CCDC116: variants seen among roughly 807,000 people sequenced by gnomAD.
CCDC116 encodes the protein coiled-coil domain containing 116.
CCDC116 carries 24 observed loss-of-function variants against 29.4 expected under a neutral mutation model. That is an observed-to-expected ratio of 0.82 (90% confidence interval 0.59 to 1.15). The LOEUF is 1.15. CCDC116 is among the 50% of genes most tolerant of loss of function. The pLI is 0.00. For missense variants in CCDC116, 791 were observed against 804.0 expected (o/e 0.98, Z 0.20); for synonymous variants, 298 against 331.4 (o/e 0.90, Z 1.10).
Position 21,635,082 on chromosome 22 carries a change from T to C in CCDC116, c.1019T>C (p.Leu340Ser). Residue 340 changes from leucine to serine, a missense_variant, in exon 4 of 5, where the codon TTG becomes TCG. By Grantham distance (145) the Leu-to-Ser change is moderately radical. Coordinates refer to ENST00000292779, the MANE Select transcript of CCDC116 (RefSeq NM_152612.3). ...RDGRPLFPTS[L>S]EPTSDLPPLG... Reference sequence around the variant, plus strand: ...GGCCGTCCTCTGTTCCCCACCAGCTTGGAGCCCACCTCAGATCTGCCGCCT... The same window carrying C: ...GGCCGTCCTCTGTTCCCCACCAGCTCGGAGCCCACCTCAGATCTGCCGCCT... 1 of 1,608,794 alleles carries C rather than the reference T, an allele frequency of 6.2e-7. No individual in the cohort carries two copies. The highest frequency in any genetic ancestry group is 8.5e-7 in the Non-Finnish European group (1 of 1,179,994).
At chr22:21,632,982 G>C (rs991499794) in intron 1 of CCDC116, 138 bp from the exon 2 acceptor site, 1 of 705,940 alleles carries the variant, frequency 1.4e-6, no homozygotes, top group Admixed American at 2.0e-5. Flanking sequence ...GCCTGCAGAC[G>C]CATGGGGGCC....
At chr22:21,633,608 TTGTTTGCAGCCCTGCCA>T (rs1930642590) in intron 2 of CCDC116, among the ~76,000 whole-genome samples, 1 of 152,044 alleles carries the variant, frequency 6.6e-6, no homozygotes, top group South Asian at 2.1e-4. Flanking sequence ...ACCTCAGATG[TTGTTTGCAGCCCTGCCA>T]TGGATACAGG....
In CCDC116 at chr22:21,634,978, T is replaced by C; in HGVS notation, c.915T>C (p.Ala305=). 1 of 1,612,020 alleles carries C rather than the reference T, an allele frequency of 6.2e-7. No homozygotes were observed. The highest frequency in any genetic ancestry group is 8.5e-7 in the Non-Finnish European group (1 of 1,179,982). ...REPHRTLNFL[A]DHRLFPALQS... is the part of the protein sequence containing the mutation. ...CCCATCGCACGCTGAACTTCCTGGC[T>C]GACCACCGCCTCTTCCCTGCCCTGC... The change falls in exon 4 of 5, where the codon GCT becomes GCC. Residue 305 remains alanine (A), a synonymous_variant. Coordinates refer to ENST00000292779, the MANE Select transcript of CCDC116 (RefSeq NM_152612.3).
At position 21,637,079 on chromosome 22, in the gene CCDC116, A is replaced by G; in HGVS notation, c.*9A>G. ...ATGAGGATGGAGTCTAGAGCCTCCCAGAGCCTGGAGAGGAGGCCTCGGTCA... is the reference window on the plus strand; with the variant it reads ...ATGAGGATGGAGTCTAGAGCCTCCCGGAGCCTGGAGAGGAGGCCTCGGTCA... On this transcript the variant is annotated 3_prime_UTR_variant, in exon 5 of 5. Coordinates refer to ENST00000292779, the MANE Select transcript of CCDC116 (RefSeq NM_152612.3). 1 of 1,593,730 alleles carries G rather than the reference A, an allele frequency of 6.3e-7. No individual in the cohort carries two copies. The highest frequency in any genetic ancestry group is 8.6e-7 in the Non-Finnish European group (1 of 1,168,376).
rs116524796 is a variant in CCDC116, at chr22:21,634,576, A to G, written c.621+6A>G. 1.2e-3 allele frequency: 1,934 copies of G among 1,590,062 alleles called. 26 individuals are homozygous for G. The African/African-American group carries it at 0.024, about 20-fold the overall frequency. On this transcript the variant is annotated splice_donor_region_variant and intron_variant, in intron 3 of 4. Transcript: ENST00000292779. ...TACAGCTGGAGAGGGAAGGGGTGAGAGCCAGGGCCATGGCTGGGTGGGGTG... is the reference window on the plus strand; with the variant it reads ...TACAGCTGGAGAGGGAAGGGGTGAGGGCCAGGGCCATGGCTGGGTGGGGTG...
Position 21,634,578 on chromosome 22 carries a change from C to T in CCDC116, c.621+8C>T, listed in dbSNP as rs1463153357. 1 of 1,588,766 alleles carries T rather than the reference C, an allele frequency of 6.3e-7. No individual in the cohort carries two copies. The highest frequency in any genetic ancestry group is 8.6e-7 in the Non-Finnish European group (1 of 1,164,862). On this transcript the variant is annotated splice_region_variant and intron_variant, in intron 3 of 4. Coordinates refer to ENST00000292779, the MANE Select transcript of CCDC116 (RefSeq NM_152612.3). The stretch of plus-strand genomic sequence containing the variant: ...CAGCTGGAGAGGGAAGGGGTGAGAG[C>T]CAGGGCCATGGCTGGGTGGGGTGGA...
Position 21,635,141 on chromosome 22 carries a change from G to T in CCDC116, c.1078G>T (p.Gly360Trp). 4 of 1,603,726 alleles carry T rather than the reference G, an allele frequency of 2.5e-6. No individual in the cohort carries two copies. Among genetic ancestry groups the T allele is most frequent in the South Asian group, 1.1e-5 (1 of 91,064 alleles). ...GSEPAKPTNG[G>W]QPYASPRPTV... ...TGAGCCAGCTAAACCCACCAATGGC[G>T]GGCAGCCCTATGCTTCCCCCCGCCC... Residue 360 changes from glycine (G) to tryptophan (W), a missense_variant, in exon 4 of 5, where the codon GGG (glycine) becomes TGG (tryptophan). Coordinates refer to ENST00000292779, the MANE Select transcript of CCDC116 (RefSeq NM_152612.3).
In CCDC116 at chr22:21,636,802, C is replaced by T; in HGVS notation, c.1574C>T (p.Ser525Phe). ...STSHCSTETP[S>F]VQQEPATHTA... ...TCCCACTGCAGCACAGAGACACCCT[C>T]TGTGCAGCAGGAACCAGCCACCCAC... The change falls in exon 5 of 5, where the codon TCT becomes TTT. Residue 525 changes from serine to phenylalanine, a missense_variant. Coordinates refer to ENST00000292779, the MANE Select transcript of CCDC116 (RefSeq NM_152612.3). 1 of 1,613,084 alleles carries T rather than the reference C, an allele frequency of 6.2e-7. No homozygotes were observed. The highest frequency in any genetic ancestry group is 1.1e-5 in the South Asian group (1 of 91,070).
chr22:21,632,893 C>G lies in CCDC116; in HGVS notation c.-63+66C>G, dbSNP rs1568996664. ...CCCAGGGTTTGGGAGGAGGGCGGGT[C>G]GAGCACACGCAGATCCAAAGATGAT... On this transcript the variant is annotated intron_variant, in intron 1 of 4. Transcript: ENST00000292779. The G allele has an allele frequency of 1.4e-5, 8 of 559,128 alleles. No homozygotes were observed. In the East Asian group the frequency reaches 1.7e-4, roughly 12 times the overall value. 34.6% of individuals were successfully genotyped at this position (559,128 alleles called of 1,614,324 possible). A position where few individuals can be genotyped will look rare whatever the true frequency, so the allele number is the denominator to read the frequency against.
Position 21,636,619 on chromosome 22 carries a change from TCTC to T in CCDC116, c.1394_1396del (p.Ser465del), listed in dbSNP as rs1930813806. The T allele has an allele frequency of 6.2e-7, 1 of 1,614,074 alleles. No individual in the cohort carries two copies. Among genetic ancestry groups the T allele is most frequent in the Non-Finnish European group, 8.5e-7 (1 of 1,180,006 alleles). ...GACCTCAGTAAGCAGCTGGGCTTCT[TCTC>T]CTTCCCCATCACCCACGTGCTCAGG... is the stretch of plus-strand genomic sequence containing the variant. On this transcript the variant is annotated inframe_deletion, in exon 5 of 5. Transcript: ENST00000292779.
chr22:21,634,818 T>A lies in CCDC116; in HGVS notation c.755T>A (p.Val252Glu), dbSNP rs1568997938. Residue 252 changes from valine (V) to glutamate (E), a missense_variant, in exon 4 of 5, where the codon GTG becomes GAG. Physicochemically the swap from Val to Glu is moderately radical, Grantham distance 121. Transcript: ENST00000292779. Reference sequence around the variant, plus strand: ...GGGCTGCTGGGCTCAAGCTCTGGCGTGCCTGAAGCATCAGAGCCGAGGCCT... The same window carrying A: ...GGGCTGCTGGGCTCAAGCTCTGGCGAGCCTGAAGCATCAGAGCCGAGGCCT... ...FSGLLGSSSG[V>E]PEASEPRPGE... 5.6e-6 allele frequency: 9 copies of A among 1,613,982 alleles called. No individual in the cohort carries two copies. Among genetic ancestry groups the A allele is most frequent in the Non-Finnish European group, 7.6e-6 (9 of 1,180,020 alleles).
chr22:21,636,807 CA>C lies in CCDC116; in HGVS notation c.1580del (p.Gln527ArgfsTer?), dbSNP rs778473052. The C allele has an allele frequency of 9.9e-6, 16 of 1,612,902 alleles. No homozygotes were observed. Among genetic ancestry groups the C allele is most frequent in the Non-Finnish European group, 1.3e-5 (15 of 1,180,000 alleles). On this transcript the variant is annotated frameshift_variant, in exon 5 of 5. Transcript: ENST00000292779. LOFTEE classifies it low-confidence loss of function (END_TRUNC). ...SHCSTETPSVQQEPATHTAQD... is the reference protein window; with the variant it reads ...SHCSTETPSVXQEPATHTAQD... ...CTGCAGCACAGAGACACCCTCTGTG[CA>C]GCAGGAACCAGCCACCCACACTGCC...
intron 4 of CCDC116, chr22:21,635,866 C>T: frequency 1.9e-6 from 1 of 520,756 alleles, no homozygotes; most frequent in Non-Finnish European, 3.4e-6. Context: ...AAGTCCCGTC[C>T]CTTGTGGACA....
intron 4 of CCDC116, chr22:21,635,516 T>C (rs1217744858): frequency 2.8e-6 from 2 of 703,156 alleles, no homozygotes; most frequent in East Asian, 2.7e-5. Context: ...CTCTTCCTGC[T>C]ACCTTCTCCC....
chr22:21,635,286 C>G lies in CCDC116; in HGVS notation c.1203+20C>G. On this transcript the variant is annotated intron_variant, in intron 4 of 4. Coordinates refer to ENST00000292779, the MANE Select transcript of CCDC116 (RefSeq NM_152612.3). ...CTCAAGGTGACACCCACGGAGAAGC[C>G]CAATGTCCCCAGCCCCTCACTCCAC... The G allele has an allele frequency of 6.3e-7, 1 of 1,575,670 alleles. No homozygotes were observed. Among genetic ancestry groups the G allele is most frequent in the Non-Finnish European group, 8.6e-7 (1 of 1,161,282 alleles).
At position 21,634,891 on chromosome 22, in the gene CCDC116, C is replaced by G. The variant is rs1463675038; in HGVS notation, c.828C>G (p.Ile276Met). The change falls in exon 4 of 5, where the codon ATC (isoleucine) becomes ATG (methionine). Residue 276 changes from isoleucine to methionine, a missense_variant. By Grantham distance (10) the Ile-to-Met change is conservative. Transcript: ENST00000292779. ...GCAAGCGAGAGTTCAATAAGGAGATCAAGTCATTACTGAGCCAGCTGGAGT... is the reference window on the plus strand; with the variant it reads ...GCAAGCGAGAGTTCAATAAGGAGATGAAGTCATTACTGAGCCAGCTGGAGT... ...IFRKREFNKE[I>M]KSLLSQLESL... 4 of 1,614,008 alleles carry G rather than the reference C, an allele frequency of 2.5e-6. No individual in the cohort carries two copies. Among genetic ancestry groups the G allele is most frequent in the South Asian group, 1.1e-5 (1 of 91,080 alleles).
Position 21,633,272 on chromosome 22 carries a change from G to A in CCDC116, c.72+19G>A. Reference sequence around the variant, plus strand: ...TGCACGGGTAAGTGTGCCCAGCAGGGCGCCGACCCTTGAGGCCACAACATG... The same window carrying A: ...TGCACGGGTAAGTGTGCCCAGCAGGACGCCGACCCTTGAGGCCACAACATG... On this transcript the variant is annotated intron_variant, in intron 2 of 4. Transcript: ENST00000292779. The A allele has an allele frequency of 2.0e-6, 3 of 1,533,952 alleles. No individual in the cohort carries two copies. The highest frequency in any genetic ancestry group is 1.2e-5 in the South Asian group (1 of 83,570).
chr22:21,635,418 C>G (rs1930758418), intron 4 of CCDC116, 152 bp downstream of exon 4: 1 of 765,380 alleles, frequency 1.3e-6, no homozygotes. Flanking sequence ...CTCACCCTGC[C>G]CACGCCAGGG....
rs754612680 is a variant in CCDC116 at position 21,636,485 on chromosome 22, G to A, written c.1257G>A (p.Ser419=). The part of the protein sequence containing the change: ...FTKKKPLPSI[S]SKSSMSHFSN... ...AGAAGAAGCCGCTGCCCTCCATCTCGTCGAAGTCCAGCATGTCTCACTTCT... is the reference window on the plus strand; with the variant it reads ...AGAAGAAGCCGCTGCCCTCCATCTCATCGAAGTCCAGCATGTCTCACTTCT... Residue 419 remains serine (S), a synonymous_variant, in exon 5 of 5, where the codon TCG becomes TCA. Coordinates refer to ENST00000292779, the MANE Select transcript of CCDC116 (RefSeq NM_152612.3). The A allele has an allele frequency of 2.8e-5, 45 of 1,613,770 alleles. No homozygotes were observed. In the Admixed American group the frequency reaches 2.8e-4, roughly 10 times the overall value.
Sources: allele counts gnomAD v4.1 joint callset (sites outside exome capture counted in the v4.1 genomes callset), GRCh38; gene constraint gnomAD v4.1.1; transcripts MANE v1.5; gene names NCBI Gene and HGNC (gene_info 2026-07-23, HGNC 2026-07-21).